The following EDIL3 variants were observed in gnomAD, a reference collection of about 807,000 sequenced individuals.
EDIL3 encodes the protein EGF like and discoidin domains 3, also known as EGF-like repeat and discoidin I-like domain-containing protein 3.
EDIL3 carries 37 observed loss-of-function variants against 67.4 expected under a neutral mutation model. The ratio of observed to expected loss-of-function variants is 0.55; its 90% CI spans 0.42 to 0.72. EDIL3 has a LOEUF of 0.72. Among genes scored for constraint, EDIL3 ranks in the 30% least tolerant of loss-of-function variants. The probability of loss-of-function intolerance (pLI) is 0.00; values close to 1 mark genes in which losing one functional copy is unlikely to be tolerated. For missense variants in EDIL3, 527 were observed against 586.3 expected (o/e 0.90, Z 1.04); for synonymous variants, 195 against 196.3 (o/e 0.99, Z 0.05).
chr5:84,086,561 C>T (rs1019903997), intron 6 of EDIL3, among the ~76,000 whole-genome samples: 24 of 152,146 alleles, frequency 1.6e-4, no homozygotes, highest in East Asian at 5.8e-4. Flanking sequence ...CTGTGTTGGT[C>T]TCGCTGGGAG....
At chr5:84,170,962 T>A (rs1489735099) in intron 4 of EDIL3, among the ~76,000 whole-genome samples, 1 of 151,952 alleles carries the variant, frequency 6.6e-6, no homozygotes, top group Non-Finnish European at 1.5e-5. Flanking sequence ...GGCTGGTTAA[T>A]TTTTGTATTT....
intron 4 of EDIL3, among the ~76,000 whole-genome samples, chr5:84,166,352 C>T (rs1748703416): frequency 6.6e-6 from 1 of 152,006 alleles, no homozygotes; most frequent in African/African-American, 2.4e-5. Context: ...TTTGTTTGTT[C>T]TCCCTTGTTG....
chr5:84,255,388 A>G (rs1413865893), intron 1 of EDIL3, among the ~76,000 whole-genome samples: 2 of 152,160 alleles, frequency 1.3e-5, no homozygotes, highest in Admixed American at 1.3e-4. Flanking sequence ...GAGAAGGCTG[A>G]CACACCCAAA....
At chr5:84,091,270 T>C (rs1244924779) in intron 6 of EDIL3, among the ~76,000 whole-genome samples, 1 of 152,210 alleles carries the variant, frequency 6.6e-6, no homozygotes, top group South Asian at 2.1e-4. Context: ...AGAACAATAC[T>C]GGTTAGACGG....
At chr5:84,036,975 T>A (rs1204467377) in intron 9 of EDIL3, among the ~76,000 whole-genome samples, 1 of 152,124 alleles carries the variant, frequency 6.6e-6, no homozygotes, top group East Asian at 1.9e-4. Context: ...ACTTCCCAAC[T>A]GCCAGGGCCT....
Position 84,289,794 on chromosome 5 carries a change from T to C in EDIL3, c.68-35582A>G, listed in dbSNP as rs972957592. 6.6e-5 allele frequency among the ~76,000 whole-genome samples: 10 copies of C among 152,332 alleles called. No homozygotes were observed. The East Asian group carries it at 1.7e-3, about 26-fold the overall frequency. ...TTTGTTTATCAGAAATGAATACGCTTACTGAAGTTTTTTCTAATAAGGTCA... is the reference window on the plus strand; with the variant it reads ...TTTGTTTATCAGAAATGAATACGCTCACTGAAGTTTTTTCTAATAAGGTCA... On this transcript the variant is annotated intron_variant, in intron 1 of 10. Coordinates refer to ENST00000296591, the MANE Select transcript of EDIL3 (RefSeq NM_005711.5).
intron 9 of EDIL3, among the ~76,000 whole-genome samples, chr5:83,987,659 T>C (rs562682449): frequency 6.6e-6 from 1 of 152,250 alleles, no homozygotes; most frequent in East Asian, 1.9e-4. Context: ...ATCTTTTAAA[T>C]GGTCACTGCA....
At chr5:83,964,820 A>G (rs1744662421) in intron 9 of EDIL3, among the ~76,000 whole-genome samples, 3 of 152,034 alleles carry the variant, frequency 2.0e-5, no homozygotes, top group African/African-American at 7.2e-5. Context: ...CTATTTTTCT[A>G]AACATGTATT....
intron 9 of EDIL3, among the ~76,000 whole-genome samples, chr5:83,968,910 G>C (rs1365884727): frequency 6.6e-6 from 1 of 151,584 alleles, no homozygotes; most frequent in East Asian, 1.9e-4. Flanking sequence ...TTATGAATAA[G>C]ATATATGATC....
At position 84,141,343 on chromosome 5, in the gene EDIL3, C is replaced by T. The variant is rs571105498; in HGVS notation, c.356-3989G>A. Among the ~76,000 whole-genome samples, 7 of 150,400 alleles carry T rather than the reference C, an allele frequency of 4.7e-5. No individual in the cohort carries two copies. The South Asian group carries it at 1.5e-3, about 31-fold the overall frequency. On this transcript the variant is annotated intron_variant, in intron 4 of 10. Coordinates refer to ENST00000296591, the MANE Select transcript of EDIL3 (RefSeq NM_005711.5). ...GTCCTGAAGTTATAAAACTTTGCTGCCAACCTTCTTGTGTCACTGAGGCAC... is the reference window on the plus strand; with the variant it reads ...GTCCTGAAGTTATAAAACTTTGCTGTCAACCTTCTTGTGTCACTGAGGCAC...
chr5:84,091,149 C>A (rs1356732744), intron 6 of EDIL3, among the ~76,000 whole-genome samples: 1 of 152,140 alleles, frequency 6.6e-6, no homozygotes, highest in Non-Finnish European at 1.5e-5. Flanking sequence ...CTGCCCCTCA[C>A]ACTAGCTGCC....
At chr5:84,338,145 G>A (rs1005262759) in intron 1 of EDIL3, among the ~76,000 whole-genome samples, 5 of 151,748 alleles carry the variant, frequency 3.3e-5, no homozygotes, top group Admixed American at 1.3e-4. Context: ...ATACTAATTA[G>A]GCTAGAATCT....
At chr5:84,168,720 G>A (rs1356612648) in intron 4 of EDIL3, among the ~76,000 whole-genome samples, 2 of 152,136 alleles carry the variant, frequency 1.3e-5, no homozygotes, top group Non-Finnish European at 2.9e-5. Context: ...CTCCTCCCAA[G>A]TGTTCATTAC....
At chr5:84,289,284 A>G (rs547466327) in intron 1 of EDIL3, among the ~76,000 whole-genome samples, 231 of 152,308 alleles carry the variant, frequency 1.5e-3, no homozygotes, top group African/African-American at 5.1e-3. Flanking sequence ...AATAACAATA[A>G]GAGTGTTTGT....
At chr5:84,267,834 C>T (rs1445371339) in intron 1 of EDIL3, among the ~76,000 whole-genome samples, 2 of 152,302 alleles carry the variant, frequency 1.3e-5, no homozygotes. Context: ...GGTTGCACAT[C>T]TCAGTAATAA....
intron 1 of EDIL3, among the ~76,000 whole-genome samples, chr5:84,367,857 T>C (rs1747773007): frequency 6.6e-6 from 1 of 152,176 alleles, no homozygotes. Context: ...CATTACAATA[T>C]AAGCTCTATG....
chr5:84,246,232 C>T (rs1744907226), intron 2 of EDIL3, among the ~76,000 whole-genome samples: 1 of 152,178 alleles, frequency 6.6e-6, no homozygotes, highest in South Asian at 2.1e-4. Flanking sequence ...CATATATTCC[C>T]CTCAAAAGTG....
chr5:84,065,767 C>A (rs77255852), intron 7 of EDIL3, among the ~76,000 whole-genome samples: 1 of 152,022 alleles, frequency 6.6e-6, no homozygotes, highest in African/African-American at 2.4e-5. Flanking sequence ...TCACTTAGTG[C>A]TTTTTTGCTT....
chr5:84,258,040 T>A (rs1745152496), intron 1 of EDIL3, among the ~76,000 whole-genome samples: 1 of 152,172 alleles, frequency 6.6e-6, no homozygotes, highest in African/African-American at 2.4e-5. Context: ...CTGTGTTGGG[T>A]GGACAGTGGC....
Sources: allele counts gnomAD v4.1 joint callset (sites outside exome capture counted in the v4.1 genomes callset), GRCh38; gene constraint gnomAD v4.1.1; transcripts MANE v1.5; gene names NCBI Gene and HGNC (gene_info 2026-07-23, HGNC 2026-07-21).